YME1L1: variants seen among roughly 807,000 people sequenced by gnomAD.
YME1L1 encodes YME1 like 1 ATPase, also known as ATP-dependent zinc metalloprotease YME1L1.
Under a neutral mutation model 90.4 loss-of-function variants are expected in YME1L1, and 39 were observed. The observed-to-expected ratio is 0.43, with a 90% confidence interval of 0.33 to 0.56. The LOEUF (loss-of-function observed/expected upper bound fraction) is 0.56, where lower values mean the gene tolerates loss of function less well. Ranked by LOEUF, YME1L1 falls within the 20% of genes least tolerant of loss-of-function variation. YME1L1 has a pLI of 0.03. For synonymous variants in YME1L1, 284 were observed against 287.3 expected (o/e 0.99, Z 0.12); for missense variants, 617 against 868.4 (o/e 0.71, Z 3.64).
At chr10:27,116,441 T>C in intron 15 of YME1L1, 96 bp from the exon 16 acceptor site, 1 of 1,383,768 alleles carries the variant, frequency 7.2e-7, no homozygotes, top group South Asian at 1.3e-5. Context: ...GCGAGGTGGG[T>C]GGATCACCTG....
At chr10:27,148,118 C>T (rs1423002013) in intron 2 of YME1L1, among the ~76,000 whole-genome samples, 1 of 151,842 alleles carries the variant, frequency 6.6e-6, no homozygotes, top group Non-Finnish European at 1.5e-5. Flanking sequence ...TTATTTACTT[C>T]TTAAATCCCT....
chr10:27,110,623 A>G lies in YME1L1; in HGVS notation c.*1354T>C, dbSNP rs141502663. 2.0e-5 allele frequency: 3 copies of G among 152,346 alleles called. No homozygotes were observed. The highest frequency in any genetic ancestry group is 2.0e-4 in the Admixed American group (3 of 15,298). 9.4% of individuals were successfully genotyped at this position (152,346 alleles called of 1,614,324 possible). A position where few individuals can be genotyped will look rare whatever the true frequency, so the allele number is the denominator to read the frequency against. ...CAAAATCTGAATGAAAAGTAAACACAACTTGGCATTTCTGACGCAGGGTAA... is the reference window on the plus strand; with the variant it reads ...CAAAATCTGAATGAAAAGTAAACACGACTTGGCATTTCTGACGCAGGGTAA... On this transcript the variant is annotated 3_prime_UTR_variant, in exon 19 of 19. Transcript: ENST00000376016.
chr10:27,136,418 A>G, intron 4 of YME1L1, 33 bp from the exon 5 acceptor site: 1 of 1,548,846 alleles, frequency 6.5e-7, no homozygotes, highest in Non-Finnish European at 8.9e-7. Context: ...CTGTCACTAT[A>G]AATTGTTACA....
At chr10:27,130,789 G>A (rs2056969619) in intron 8 of YME1L1, among the ~76,000 whole-genome samples, 1 of 152,202 alleles carries the variant, frequency 6.6e-6, no homozygotes, top group African/African-American at 2.4e-5. Context: ...GGAGGTGGAG[G>A]TTGCACTGAG....
At chr10:27,119,507 T>C in intron 13 of YME1L1, 58 bp from the exon 14 acceptor site, 1 of 1,539,928 alleles carries the variant, frequency 6.5e-7, no homozygotes, top group Non-Finnish European at 8.7e-7. Flanking sequence ...AGAAAGCTCT[T>C]CACAAAGAAC....
At position 27,131,905 on chromosome 10, in the gene YME1L1, A is replaced by G; in HGVS notation, c.812T>C (p.Val271Ala). The change falls in exon 8 of 19, where the codon GTA (valine) becomes GCA (alanine). Residue 271 changes from valine to alanine, a missense_variant. Physicochemically the swap from Val to Ala is moderately conservative, Grantham distance 64 (BLOSUM62 0). Transcript: ENST00000376016. ...FRTTTGLDSA[V>A]DPVQMKNVTF... ...GACATTTTTCATCTGGACAGGATCT[A>G]CTGCAGAATCAAGCCCTGTTGTTGT... 4.3e-6 allele frequency: 7 copies of G among 1,613,432 alleles called. No homozygotes were observed. Among genetic ancestry groups the G allele is most frequent in the Non-Finnish European group, 5.1e-6 (6 of 1,179,814 alleles).
At chr10:27,151,257 T>G (rs572028383) in intron 1 of YME1L1, among the ~76,000 whole-genome samples, 54 of 152,212 alleles carry the variant, frequency 3.5e-4, no homozygotes, top group African/African-American at 1.2e-3. Context: ...CCAACAACCC[T>G]CTCTTGGGGT....
At position 27,123,246 on chromosome 10, in the gene YME1L1, T is replaced by C. The variant is rs1035677808; in HGVS notation, c.1103-273A>G. 5.3e-5 allele frequency among the ~76,000 whole-genome samples: 8 copies of C among 152,282 alleles called. No homozygotes were observed. In the South Asian group the frequency reaches 6.2e-4, roughly 12 times the overall value. Reference sequence around the variant, plus strand: ...ATCAGGTTTGAAGCTAATTACTCCTTAATTCCATACTACAAAATTGATGAA... The same window carrying C: ...ATCAGGTTTGAAGCTAATTACTCCTCAATTCCATACTACAAAATTGATGAA... On this transcript the variant is annotated intron_variant, in intron 10 of 18. Transcript: ENST00000376016.
chr10:27,124,420 C>T (rs11015546), intron 9 of YME1L1, among the ~76,000 whole-genome samples: 2,616 of 152,108 alleles, frequency 0.017, 145 homozygotes, highest in East Asian at 0.16. Context: ...AAGATTTTCA[C>T]GTTAGAAAAA....
At chr10:27,120,287 C>T in intron 13 of YME1L1, 148 bp downstream of exon 13, 1 of 590,572 alleles carries the variant, frequency 1.7e-6, no homozygotes, top group African/African-American at 1.9e-5. Context: ...AAGGAATGGA[C>T]TTTTAAACGA....
At position 27,148,913 on chromosome 10, in the gene YME1L1, C is replaced by T. The variant is rs1351559726; in HGVS notation, c.161G>A (p.Ser54Asn). 1.2e-6 allele frequency: 2 copies of T among 1,613,814 alleles called. No homozygotes were observed. The highest frequency in any genetic ancestry group is 2.2e-5 in the East Asian group (1 of 44,856). The part of the protein sequence containing the change: ...RDVVPEHEAP[S>N]SEPSLNLRDL... ...ACCAGGATAAAGACTTACCTCACTG[C>T]TGGGAGCCTCATGCTCAGGAACTAC... The change falls in exon 2 of 19, where the codon AGC becomes AAC. Residue 54 changes from serine (S) to asparagine (N), a missense_variant. By Grantham distance (46) the Ser-to-Asn change is conservative (BLOSUM62 1). Transcript: ENST00000376016.
At chr10:27,131,291 A>T (rs1247329728) in intron 8 of YME1L1, among the ~76,000 whole-genome samples, 1 of 152,184 alleles carries the variant, frequency 6.6e-6, no homozygotes, top group African/African-American at 2.4e-5. Context: ...CTGCTTTTAG[A>T]GTTTAAACTC....
At position 27,129,470 on chromosome 10, in the gene YME1L1, C is replaced by G. The variant is rs1358477667; in HGVS notation, c.858+2389G>C. ...ACATGGTTATGTATAAACAGAGACA[C>G]GAATAAGTAAAGAAGAAAAGCAGAA... On this transcript the variant is annotated intron_variant, in intron 8 of 18. Transcript: ENST00000376016. 3 of 152,052 alleles carry G rather than the reference C, an allele frequency of 2.0e-5. No individual in the cohort carries two copies. In the South Asian group the frequency reaches 6.2e-4, roughly 31 times the overall value. 9.4% of individuals were successfully genotyped at this position (152,052 alleles called of 1,614,324 possible). A position where few individuals can be genotyped will look rare whatever the true frequency, so the allele number is the denominator to read the frequency against.
Position 27,136,454 on chromosome 10 carries a change from A to G in YME1L1, c.431-69T>C, listed in dbSNP as rs180678948. On this transcript the variant is annotated intron_variant, in intron 4 of 18. Coordinates refer to ENST00000376016, the MANE Select transcript of YME1L1 (RefSeq NM_014263.4). ...GGAAAAGAAAAATGCCTAAGATTCT[A>G]AAGTCTGACACCCTACCTGTATATC... is the stretch of plus-strand genomic sequence containing the variant. 6.6e-5 allele frequency: 83 copies of G among 1,249,632 alleles called. 1 individual carries two copies. The African/African-American group carries it at 1.0e-3, about 15-fold the overall frequency. 77.4% of individuals were successfully genotyped at this position (1,249,632 alleles called of 1,614,324 possible). A position where few individuals can be genotyped will look rare whatever the true frequency, so the allele number is the denominator to read the frequency against.
intron 8 of YME1L1, among the ~76,000 whole-genome samples, chr10:27,131,654 G>A (rs2056978721): frequency 1.3e-5 from 2 of 152,180 alleles, no homozygotes; most frequent in African/African-American, 4.8e-5. Flanking sequence ...ACACCAGGCT[G>A]CTCCTTCATA....
At chr10:27,138,065 T>C (rs1214246041) in intron 4 of YME1L1, among the ~76,000 whole-genome samples, 4 of 152,226 alleles carry the variant, frequency 2.6e-5, no homozygotes, top group Non-Finnish European at 2.9e-5. Context: ...TTTTTTGGTA[T>C]GATGTAAGAA....
At chr10:27,144,610 C>G (rs1285645685) in intron 3 of YME1L1, among the ~76,000 whole-genome samples, 1 of 152,134 alleles carries the variant, frequency 6.6e-6, no homozygotes, top group Non-Finnish European at 1.5e-5. Context: ...AGACATTCCA[C>G]AAAAGGGATA....
At position 27,116,206 on chromosome 10, in the gene YME1L1, C is replaced by G; in HGVS notation, c.1846+13G>C. On this transcript the variant is annotated intron_variant, in intron 16 of 18. Coordinates refer to ENST00000376016, the MANE Select transcript of YME1L1 (RefSeq NM_014263.4). Reference sequence around the variant, plus strand: ...ACATATAATTTGAACTAAAGCCATTCTTTAAAGCTAACCTGTTGTAATATG... The same window carrying G: ...ACATATAATTTGAACTAAAGCCATTGTTTAAAGCTAACCTGTTGTAATATG... 6.2e-7 allele frequency: 1 copy of G among 1,614,110 alleles called. No individual in the cohort carries two copies. The highest frequency in any genetic ancestry group is 8.5e-7 in the Non-Finnish European group (1 of 1,180,026).
intron 4 of YME1L1, among the ~76,000 whole-genome samples, chr10:27,140,523 G>C (rs528853356): frequency 1.3e-5 from 2 of 152,260 alleles, no homozygotes; most frequent in East Asian, 3.9e-4. Flanking sequence ...TCTGTTGCCA[G>C]GCTGGAGTTC....
Sources: gnomAD v4.1 joint callset for allele counts (sites outside exome capture counted in the v4.1 genomes callset) on GRCh38, gnomAD v4.1.1 for gene constraint, MANE v1.5 for transcripts, NCBI Gene and HGNC (gene_info 2026-07-23, HGNC 2026-07-21) for gene names.